DNM3: variants seen among roughly 807,000 people sequenced by gnomAD.
DNM3 encodes dynamin-3.
A neutral mutation model predicts 101.6 loss-of-function variants in DNM3; 47 were observed. That is an observed-to-expected ratio of 0.46 (90% CI 0.37 to 0.59). DNM3 has a LOEUF of 0.59. DNM3 is among the 20% of genes least tolerant of loss of function. The pLI, the probability that DNM3 is intolerant of heterozygous loss-of-function variation, is 0.00. For missense variants in DNM3, 849 were observed against 1,085.7 expected (o/e 0.78, Z 3.06); for synonymous variants, 385 against 387.9 (o/e 0.99, Z 0.09).
intron 17 of DNM3, among the ~76,000 whole-genome samples, chr1:172,327,803 A>G (rs1456677630): frequency 6.6e-6 from 1 of 152,178 alleles, no homozygotes; most frequent in African/African-American, 2.4e-5. Flanking sequence ...GAAAGGATGA[A>G]AATTCCCTAG....
At position 171,861,813 on chromosome 1, in the gene DNM3, TG is replaced by T. The variant is rs144263111; in HGVS notation, c.161+20002del. On this transcript the variant is annotated intron_variant, in intron 1 of 20. Transcript: ENST00000627582. ...GGGTATGAAAAGATAACCCAGAGAA[TG>T]GGGGGAAATTTTTGCAAATTATATA... Among the ~76,000 whole-genome samples the T allele has an allele frequency of 7.9e-3, 1,197 of 152,172 alleles. 23 individuals are homozygous for T. Among genetic ancestry groups the T allele is most frequent in the African/African-American group, 0.028 (1,144 of 41,540 alleles).
intron 4 of DNM3, among the ~76,000 whole-genome samples, chr1:172,029,879 A>G (rs780279222): frequency 1.9e-4 from 29 of 152,316 alleles, no homozygotes; most frequent in Admixed American, 1.0e-3. Context: ...AAGGAGAACT[A>G]CAAACTACTG....
Position 172,186,922 on chromosome 1 carries a change from G to C in DNM3, c.1659+55634G>C, listed in dbSNP as rs527246291. ...TGTGAACCCTAGCTATGGAGGGTTT[G>C]TGTCTCTAAGCTCTGAAAACCTCAC... On this transcript the variant is annotated intron_variant, in intron 14 of 20. Coordinates refer to ENST00000627582, the MANE Select transcript of DNM3 (RefSeq NM_015569.5). Among the ~76,000 whole-genome samples, 9 of 152,206 alleles carry C rather than the reference G, an allele frequency of 5.9e-5. No individual in the cohort carries two copies. The South Asian group carries it at 1.9e-3, about 32-fold the overall frequency.
chr1:171,921,847 T>C lies in DNM3; in HGVS notation c.235+26T>C. ...GTAATGAATGAAGATGTTTACCGCA[T>C]GGATGGGCACATCCTGTGGCCCCTT... On this transcript the variant is annotated intron_variant, in intron 2 of 20. Transcript: ENST00000627582. 12 of 1,576,488 alleles carry C rather than the reference T, an allele frequency of 7.6e-6. No homozygotes were observed. The South Asian group carries it at 1.3e-4, about 17-fold the overall frequency.
intron 17 of DNM3, chr1:172,376,173 A>G (rs2068591277): frequency 6.6e-6 from 1 of 152,056 alleles, no homozygotes; most frequent in Admixed American, 6.6e-5. Context: ...AGATTTCTCA[A>G]TAGCTATTTT....
chr1:172,260,510 TTTG>T (rs1157044944), intron 15 of DNM3, among the ~76,000 whole-genome samples: 3 of 152,134 alleles, frequency 2.0e-5, no homozygotes, highest in African/African-American at 4.8e-5. Flanking sequence ...TTTTAATCTT[TTTG>T]TTGTTGTTGT....
intron 14 of DNM3, among the ~76,000 whole-genome samples, chr1:172,192,750 C>A (rs944482197): frequency 1.1e-4 from 17 of 151,756 alleles, no homozygotes; most frequent in African/African-American, 3.6e-4. Flanking sequence ...TGTGTATGTG[C>A]CACATTTTCT....
intron 17 of DNM3, among the ~76,000 whole-genome samples, chr1:172,327,735 C>T (rs1021136477): frequency 6.6e-6 from 1 of 152,078 alleles, no homozygotes; most frequent in African/African-American, 2.4e-5. Context: ...CACCGTCCCC[C>T]ACCACCTGGT....
chr1:171,891,824 T>C (rs962105201), intron 1 of DNM3, among the ~76,000 whole-genome samples: 2 of 152,228 alleles, frequency 1.3e-5, no homozygotes, highest in Non-Finnish European at 2.9e-5. Context: ...CATCATCACC[T>C]GGCTCTGGTT....
chr1:171,995,806 C>A (rs1239099260), intron 4 of DNM3, among the ~76,000 whole-genome samples: 1 of 152,110 alleles, frequency 6.6e-6, no homozygotes, highest in Non-Finnish European at 1.5e-5. Context: ...TAGTAGAGGA[C>A]CATTCTTCAT....
chr1:172,391,365 G>C (rs1441322450), intron 20 of DNM3, among the ~76,000 whole-genome samples: 1 of 152,062 alleles, frequency 6.6e-6, no homozygotes, highest in Non-Finnish European at 1.5e-5. Context: ...CCTGAGAGAG[G>C]GCAAGAAAGA....
At chr1:172,346,912 C>T (rs1342664900) in intron 17 of DNM3, among the ~76,000 whole-genome samples, 1 of 152,170 alleles carries the variant, frequency 6.6e-6, no homozygotes, top group Non-Finnish European at 1.5e-5. Context: ...GCCTGTCACA[C>T]AGGCTGGGAC....
intron 16 of DNM3, among the ~76,000 whole-genome samples, chr1:172,320,629 A>C (rs2065665581): frequency 6.6e-6 from 1 of 152,256 alleles, no homozygotes; most frequent in East Asian, 1.9e-4. Flanking sequence ...TGTAATTCCC[A>C]ATTAAGTATT....
chr1:171,963,698 T>TA (rs2043369540), intron 2 of DNM3, among the ~76,000 whole-genome samples: 2 of 151,270 alleles, frequency 1.3e-5, no homozygotes, highest in African/African-American at 4.9e-5. Flanking sequence ...GGTCTTTTTT[T>TA]TAAAAAGTGG....
chr1:171,979,514 C>T (rs566741520), intron 2 of DNM3, among the ~76,000 whole-genome samples: 27 of 152,208 alleles, frequency 1.8e-4, no homozygotes, highest in Non-Finnish European at 2.4e-4. Flanking sequence ...ACTCTTTGAG[C>T]TCCTTTGGAA....
chr1:172,195,237 G>A (rs1291058455), intron 14 of DNM3, among the ~76,000 whole-genome samples: 1 of 151,872 alleles, frequency 6.6e-6, no homozygotes, highest in African/African-American at 2.4e-5. Flanking sequence ...TTCATTGCTG[G>A]TATATAGGAA....
chr1:171,957,958 C>T (rs1337044119), intron 2 of DNM3, among the ~76,000 whole-genome samples: 2 of 152,176 alleles, frequency 1.3e-5, no homozygotes, highest in Non-Finnish European at 2.9e-5. Flanking sequence ...AGCAGTGCCG[C>T]AGTCCACCGG....
intron 17 of DNM3, among the ~76,000 whole-genome samples, chr1:172,330,301 G>A (rs1469900325): frequency 1.3e-5 from 2 of 151,944 alleles, no homozygotes; most frequent in Non-Finnish European, 2.9e-5. Flanking sequence ...ATGAAGCAAA[G>A]CATTTTTATC....
chr1:172,388,328 T>C (rs965804923), intron 19 of DNM3, among the ~76,000 whole-genome samples: 2 of 152,236 alleles, frequency 1.3e-5, no homozygotes, highest in Admixed American at 6.5e-5. Context: ...CTTATACAAA[T>C]GTAGAATACA....
Sources: gnomAD v4.1 joint callset for allele counts (sites outside exome capture counted in the v4.1 genomes callset) on GRCh38, gnomAD v4.1.1 for gene constraint, MANE v1.5 for transcripts, NCBI Gene and HGNC (gene_info 2026-07-23, HGNC 2026-07-21) for gene names.